RORA: variants seen among roughly 807,000 people sequenced by gnomAD.
RORA encodes RAR related orphan receptor A.
RORA carries 7 observed loss-of-function variants against 69.5 expected under a neutral mutation model. That is an observed-to-expected ratio of 0.10 (90% CI 0.06 to 0.19). RORA has a LOEUF of 0.19. Ranked by LOEUF, RORA falls within the 10% of genes least tolerant of loss-of-function variation. The probability of loss-of-function intolerance (pLI) is 1.00; values close to 1 mark genes in which losing one functional copy is unlikely to be tolerated. For synonymous variants in RORA, 261 were observed against 240.8 expected, an observed-to-expected ratio of 1.08 and a Z score of -0.78; for missense variants, 457 against 663.0, an observed-to-expected ratio of 0.69 and a Z score of 3.41.
In RORA at chr15:60,927,242, T is replaced by C. The variant is rs569605886; in HGVS notation, c.167-248556A>G. Among the ~76,000 whole-genome samples, 23 of 152,136 alleles carry C rather than the reference T, an allele frequency of 1.5e-4. No individual in the cohort carries two copies. In the East Asian group the frequency reaches 4.3e-3, roughly 28 times the overall value. On this transcript the variant is annotated intron_variant, in intron 1 of 10. Transcript: ENST00000335670. Reference sequence around the variant, plus strand: ...CAGGTAACCAATACGTGAAGCAAAATGGGGATTCTACAAAGTGAGAGTCCT... The same window carrying C: ...CAGGTAACCAATACGTGAAGCAAAACGGGGATTCTACAAAGTGAGAGTCCT...
chr15:60,796,521 A>G lies in RORA; in HGVS notation c.167-117835T>C, dbSNP rs78458589. ...CTATCCACCCCCCGCCAAAAAAAAA[A>G]AGAAATAAAATAACAAGTGTTGGTA... On this transcript the variant is annotated intron_variant, in intron 1 of 10. Coordinates refer to ENST00000335670, the MANE Select transcript of RORA (RefSeq NM_134261.3). Among the ~76,000 whole-genome samples, 893 of 152,220 alleles carry G rather than the reference A, an allele frequency of 5.9e-3. 12 individuals are homozygous for G. The highest frequency in any genetic ancestry group is 0.021 in the African/African-American group (854 of 41,562).
At chr15:60,874,849 G>A (rs1455311185) in intron 1 of RORA, among the ~76,000 whole-genome samples, 1 of 152,110 alleles carries the variant, frequency 6.6e-6, no homozygotes, top group Non-Finnish European at 1.5e-5. Context: ...TAGGTGATTT[G>A]GGGCAAGTTA....
Position 60,492,089 on chromosome 15 carries a change from A to G in RORA, c.*5366T>C, listed in dbSNP as rs1316501247. The G allele has an allele frequency of 6.6e-6, 1 of 152,140 alleles. No individual in the cohort carries two copies. The highest frequency in any genetic ancestry group is 2.4e-5 in the African/African-American group (1 of 41,426). 9.4% of individuals were successfully genotyped at this position (152,140 alleles called of 1,614,324 possible). A position where few individuals can be genotyped will look rare whatever the true frequency, so the allele number is the denominator to read the frequency against. On this transcript the variant is annotated 3_prime_UTR_variant, in exon 11 of 11. Transcript: ENST00000335670. ...AGAGGAGAGATTTCTACCATTTTCC[A>G]TATTCTTTATTATCAAAAACAACAT...
intron 2 of RORA, among the ~76,000 whole-genome samples, chr15:60,615,453 G>C (rs1214360520): frequency 6.6e-6 from 1 of 152,152 alleles, no homozygotes; most frequent in Admixed American, 6.5e-5. Flanking sequence ...TCACGAGATG[G>C]GGCCTCCAAG....
At position 60,681,276 on chromosome 15, in the gene RORA, T is replaced by A. The variant is rs147880056; in HGVS notation, c.167-2590A>T. 2.0e-3 allele frequency among the ~76,000 whole-genome samples: 312 copies of A among 152,326 alleles called. 1 individual carries two copies. Among genetic ancestry groups the A allele is most frequent in the Non-Finnish European group, 4.0e-3 (269 of 68,026 alleles). The stretch of plus-strand genomic sequence containing the variant: ...TTCTCTGTGGAAAGTTATATTAAAC[T>A]GGAAGTACACTCATGGCAAATCTTT... On this transcript the variant is annotated intron_variant, in intron 1 of 10. Coordinates refer to ENST00000335670, the MANE Select transcript of RORA (RefSeq NM_134261.3).
At chr15:61,142,176 T>C (rs2140863920) in intron 1 of RORA, among the ~76,000 whole-genome samples, 1 of 152,298 alleles carries the variant, frequency 6.6e-6, no homozygotes, top group Admixed American at 6.5e-5. Flanking sequence ...TTACCCTGAA[T>C]ATCTCTAGGA....
chr15:60,557,917 C>G (rs2067415106), intron 2 of RORA, among the ~76,000 whole-genome samples: 1 of 152,122 alleles, frequency 6.6e-6, no homozygotes, highest in Non-Finnish European at 1.5e-5. Context: ...AAATTATGAC[C>G]TATTTCTTTT....
At chr15:60,641,034 C>T (rs556607324) in intron 2 of RORA, among the ~76,000 whole-genome samples, 3 of 152,282 alleles carry the variant, frequency 2.0e-5, no homozygotes, top group Non-Finnish European at 2.9e-5. Flanking sequence ...CTCACTGTAG[C>T]CTTGACCTCC....
At chr15:61,115,204 T>C (rs1358403986) in intron 1 of RORA, among the ~76,000 whole-genome samples, 1 of 152,100 alleles carries the variant, frequency 6.6e-6, no homozygotes, top group Admixed American at 6.6e-5. Context: ...ACCAGGGAGC[T>C]GGCTTTCGCA....
At chr15:60,843,942 C>A (rs1216639086) in intron 1 of RORA, among the ~76,000 whole-genome samples, 1 of 152,198 alleles carries the variant, frequency 6.6e-6, no homozygotes, top group South Asian at 2.1e-4. Flanking sequence ...CCCTAATATA[C>A]CTACTCTGCT....
chr15:61,013,468 C>G (rs1895157525), intron 1 of RORA, among the ~76,000 whole-genome samples: 1 of 152,194 alleles, frequency 6.6e-6, no homozygotes, highest in Non-Finnish European at 1.5e-5. Context: ...GCTTTGTTAC[C>G]TGCAAATACT....
chr15:60,852,144 T>A (rs1052048590), intron 1 of RORA, among the ~76,000 whole-genome samples: 3 of 152,226 alleles, frequency 2.0e-5, no homozygotes, highest in Admixed American at 2.0e-4. Context: ...CCTATGTGAT[T>A]CAGCCAGAAG....
At chr15:61,115,587 AG>A (rs2079043506) in intron 1 of RORA, among the ~76,000 whole-genome samples, 1 of 152,180 alleles carries the variant, frequency 6.6e-6, no homozygotes, top group Non-Finnish European at 1.5e-5. Flanking sequence ...TTCCCTCATA[AG>A]GTACCAGTCT....
intron 2 of RORA, among the ~76,000 whole-genome samples, chr15:60,636,757 CACTACCA>C (rs2069848899): frequency 6.6e-6 from 1 of 152,084 alleles, no homozygotes. Flanking sequence ...ATGCAACCAC[CACTACCA>C]TCCAGGGAGG....
chr15:60,856,838 G>A (rs2073385443), intron 1 of RORA, among the ~76,000 whole-genome samples: 1 of 152,220 alleles, frequency 6.6e-6, no homozygotes, highest in Admixed American at 6.5e-5. Context: ...GAGGGAGAAG[G>A]GGTGCTATTC....
intron 1 of RORA, among the ~76,000 whole-genome samples, chr15:60,946,651 C>T (rs1335716765): frequency 6.6e-6 from 1 of 152,218 alleles, no homozygotes; most frequent in East Asian, 1.9e-4. Flanking sequence ...GCCTTGGCTT[C>T]CCAAAGTGCC....
At chr15:61,038,609 C>T (rs1259257486) in intron 1 of RORA, among the ~76,000 whole-genome samples, 3 of 152,212 alleles carry the variant, frequency 2.0e-5, no homozygotes, top group South Asian at 2.1e-4. Context: ...AGAAGCAACA[C>T]GAGAAAATTG....
At chr15:60,713,475 T>G (rs1310220727) in intron 1 of RORA, among the ~76,000 whole-genome samples, 2 of 152,214 alleles carry the variant, frequency 1.3e-5, no homozygotes, top group African/African-American at 4.8e-5. Flanking sequence ...TGAAGAGTTT[T>G]GTGAAACTGA....
intron 1 of RORA, among the ~76,000 whole-genome samples, chr15:60,921,684 A>C (rs111603548): frequency 2.0e-5 from 3 of 152,312 alleles, no homozygotes; most frequent in African/African-American, 7.2e-5. Flanking sequence ...AATACAATTA[A>C]AGAAAAAACA....
Sources: allele counts gnomAD v4.1 joint callset (sites outside exome capture counted in the v4.1 genomes callset), GRCh38; gene constraint gnomAD v4.1.1; transcripts MANE v1.5; gene names NCBI Gene and HGNC (gene_info 2026-07-23, HGNC 2026-07-21).